The following SLC35F4 variants were observed in gnomAD, a reference collection of about 807,000 sequenced individuals.
SLC35F4 encodes the protein chromosome 14 open reading frame 36.
Under a neutral mutation model 44.2 loss-of-function variants are expected in SLC35F4, and 24 were observed. That is an observed-to-expected ratio of 0.54 (90% CI 0.39 to 0.76). The LOEUF (loss-of-function observed/expected upper bound fraction) is 0.76, where lower values mean the gene tolerates loss of function less well. Among genes scored for constraint, SLC35F4 ranks in the 30% least tolerant of loss-of-function variants. The pLI is 0.00. For synonymous variants in SLC35F4, 238 were observed against 223.6 expected, an observed-to-expected ratio of 1.06 and a Z score of -0.57; for missense variants, 562 against 586.1, an observed-to-expected ratio of 0.96 and a Z score of 0.42.
intron 1 of SLC35F4, among the ~76,000 whole-genome samples, chr14:57,954,389 C>A (rs1890198525): frequency 6.6e-6 from 1 of 152,072 alleles, no homozygotes; most frequent in Non-Finnish European, 1.5e-5. Context: ...CAAACAAATT[C>A]AAAAGCTAGC....
intron 4 of SLC35F4, among the ~76,000 whole-genome samples, chr14:57,578,335 T>TG (rs2068966673): frequency 1.2e-5 from 1 of 84,316 alleles, no homozygotes; most frequent in Non-Finnish European, 2.3e-5. Flanking sequence ...GTTTTTTTTT[T>TG]TTTTTTTTTT....
At chr14:57,647,123 A>G (rs1446306539) in intron 1 of SLC35F4, among the ~76,000 whole-genome samples, 7 of 152,000 alleles carry the variant, frequency 4.6e-5, no homozygotes. Flanking sequence ...AGAGTTCTGT[A>G]GATGTCTATT....
chr14:57,849,908 C>T (rs940275923), intron 1 of SLC35F4, among the ~76,000 whole-genome samples: 3 of 152,162 alleles, frequency 2.0e-5, no homozygotes, highest in Non-Finnish European at 2.9e-5. Context: ...CCTGAGGAAA[C>T]TTTGGAAACC....
At chr14:57,723,268 C>G (rs2076127770) in intron 1 of SLC35F4, among the ~76,000 whole-genome samples, 1 of 152,196 alleles carries the variant, frequency 6.6e-6, no homozygotes, top group Non-Finnish European at 1.5e-5. Flanking sequence ...GCTGGCAGAA[C>G]CCCCACATTG....
At chr14:57,638,189 G>C in intron 1 of SLC35F4, among the ~76,000 whole-genome samples, 1 of 152,090 alleles carries the variant, frequency 6.6e-6, no homozygotes, top group East Asian at 1.9e-4. Context: ...TGACACCCTT[G>C]TTCCACAAGC....
chr14:57,686,883 A>G (rs1249465946), intron 1 of SLC35F4, among the ~76,000 whole-genome samples: 2 of 152,090 alleles, frequency 1.3e-5, no homozygotes, highest in African/African-American at 4.8e-5. Flanking sequence ...CCCCAAATTT[A>G]TATGTTGAAG....
intron 1 of SLC35F4, among the ~76,000 whole-genome samples, chr14:57,939,247 C>G (rs1448853176): frequency 6.6e-6 from 1 of 152,196 alleles, no homozygotes; most frequent in Non-Finnish European, 1.5e-5. Flanking sequence ...ATCTTCATAA[C>G]AGTAGTGAAG....
intron 1 of SLC35F4, among the ~76,000 whole-genome samples, chr14:57,615,439 T>C (rs958232767): frequency 1.1e-4 from 16 of 152,134 alleles, no homozygotes; most frequent in Non-Finnish European, 1.9e-4. Flanking sequence ...GAAATTTCAA[T>C]AGGTTATGTG....
At chr14:57,829,821 C>T (rs1311921013) in intron 1 of SLC35F4, among the ~76,000 whole-genome samples, 3 of 151,800 alleles carry the variant, frequency 2.0e-5, no homozygotes, top group East Asian at 1.9e-4. Flanking sequence ...CAAAGAAGGC[C>T]GTGAATATAA....
At chr14:57,696,757 T>C (rs1038303802) in intron 1 of SLC35F4, among the ~76,000 whole-genome samples, 19 of 152,216 alleles carry the variant, frequency 1.2e-4, no homozygotes, top group Middle Eastern at 3.2e-3. Context: ...TGAGTTCATG[T>C]GTCCTTTGCA....
At chr14:57,979,641 AG>A (rs142370720) in intron 1 of SLC35F4, among the ~76,000 whole-genome samples, 5,330 of 152,346 alleles carry the variant, frequency 0.035, 141 homozygotes, top group Non-Finnish European at 0.047. Context: ...GACCAATGCA[AG>A]AGGGAAACTG....
At position 57,792,694 on chromosome 14, in the gene SLC35F4, G is replaced by A. The variant is rs142931682; in HGVS notation, c.103+73029C>T. 1.2e-3 allele frequency among the ~76,000 whole-genome samples: 185 copies of A among 152,206 alleles called. 2 individuals carry two copies. In the East Asian group the frequency reaches 0.015, roughly 13 times the overall value. On this transcript the variant is annotated intron_variant, in intron 1 of 7. Transcript: ENST00000556826. ...ACTCAGATATGGAAAACCAAACATC[G>A]TGTGTTCTCACTTATAAGTGGGAGT...
intron 1 of SLC35F4, among the ~76,000 whole-genome samples, chr14:57,639,715 C>A (rs1041546259): frequency 1.8e-4 from 28 of 151,970 alleles, no homozygotes; most frequent in African/African-American, 6.8e-4. Context: ...CCATAAATGA[C>A]AATTGTCTAA....
intron 1 of SLC35F4, among the ~76,000 whole-genome samples, chr14:57,937,648 A>G (rs1316177498): frequency 6.1e-5 from 8 of 130,956 alleles, no homozygotes; most frequent in Non-Finnish European, 1.3e-4. Flanking sequence ...AAGAAAAGAA[A>G]AGAAAAAAGA....
At chr14:57,750,312 T>C (rs972514420) in intron 1 of SLC35F4, among the ~76,000 whole-genome samples, 1 of 152,220 alleles carries the variant, frequency 6.6e-6, no homozygotes, top group Non-Finnish European at 1.5e-5. Flanking sequence ...CTTAGGTTGA[T>C]TCCATATCTT....
chr14:57,677,870 GAA>G lies in SLC35F4; in HGVS notation c.104-83748_104-83747del, dbSNP rs550455077. 7.1e-3 allele frequency among the ~76,000 whole-genome samples: 1,080 copies of G among 151,418 alleles called. 20 individuals are homozygous for G. Among genetic ancestry groups the G allele is most frequent in the African/African-American group, 0.025 (1,021 of 41,366 alleles). Reference sequence around the variant, plus strand: ...CATGAACAGGCAATTCACAAAAAAAGAATATAAAAATTAATAATCTGTTACAA... The same window carrying G: ...CATGAACAGGCAATTCACAAAAAAAGTATAAAAATTAATAATCTGTTACAA... On this transcript the variant is annotated intron_variant, in intron 1 of 7. Transcript: ENST00000556826.
At chr14:57,795,676 A>G (rs1047187370) in intron 1 of SLC35F4, among the ~76,000 whole-genome samples, 1 of 152,222 alleles carries the variant, frequency 6.6e-6, no homozygotes, top group Admixed American at 6.5e-5. Flanking sequence ...ATGGAAATAT[A>G]AAGCTGATTT....
At chr14:57,777,067 G>C (rs548827060) in intron 1 of SLC35F4, among the ~76,000 whole-genome samples, 1 of 152,144 alleles carries the variant, frequency 6.6e-6, no homozygotes, top group Non-Finnish European at 1.5e-5. Context: ...CTAACAACAC[G>C]ATGACAGGAT....
intron 1 of SLC35F4, among the ~76,000 whole-genome samples, chr14:57,627,897 A>G (rs1285946996): frequency 6.6e-6 from 1 of 152,012 alleles, no homozygotes; most frequent in African/African-American, 2.4e-5. Flanking sequence ...TTTCATCCCA[A>G]TGTTGCTGTT....
Sources: allele counts gnomAD v4.1 joint callset (sites outside exome capture counted in the v4.1 genomes callset), GRCh38; gene constraint gnomAD v4.1.1; transcripts MANE v1.5; gene names NCBI Gene and HGNC (gene_info 2026-07-23, HGNC 2026-07-21).